ZGRF1: variants seen among roughly 807,000 people sequenced by gnomAD.
ZGRF1 encodes the protein zinc finger GRF-type containing 1.
Under a neutral mutation model 203.5 loss-of-function variants are expected in ZGRF1, and 196 were observed. The ratio of observed to expected loss-of-function variants is 0.96; its 90% CI spans 0.86 to 1.08. The LOEUF is 1.08. Ranked by LOEUF, ZGRF1 falls within the 50% of genes least tolerant of loss-of-function variation. The pLI, the probability that ZGRF1 is intolerant of heterozygous loss-of-function variation, is 0.00. For synonymous variants in ZGRF1, 809 were observed against 841.3 expected (o/e 0.96, Z 0.66); for missense variants, 2,326 against 2,416.3 (o/e 0.96, Z 0.78).
intron 16 of ZGRF1, among the ~76,000 whole-genome samples, chr4:112,576,390 C>T (rs13126520): frequency 0.068 from 10,380 of 152,012 alleles, 433 homozygotes; most frequent in Middle Eastern, 0.11. Flanking sequence ...TCCAAAGGAA[C>T]GCAGCTCCTC....
intron 16 of ZGRF1, among the ~76,000 whole-genome samples, chr4:112,576,102 G>T (rs372814007): frequency 6.6e-6 from 1 of 152,234 alleles, no homozygotes; most frequent in Non-Finnish European, 1.5e-5. Flanking sequence ...CAATCAGGCA[G>T]CAACATTTGC....
At chr4:112,541,052 C>G (rs1737472427) in intron 25 of ZGRF1, 40 bp downstream of exon 25, 2 of 1,549,290 alleles carry the variant, frequency 1.3e-6, no homozygotes, top group Non-Finnish European at 1.7e-6. Flanking sequence ...AACCAGGAAC[C>G]TAAACCATGT....
intron 22 of ZGRF1, among the ~76,000 whole-genome samples, chr4:112,552,646 A>C (rs551092059): frequency 3.3e-5 from 5 of 152,346 alleles, no homozygotes; most frequent in Admixed American, 3.3e-4. Flanking sequence ...ACAGAAAGTT[A>C]GTCTGAAGTT....
intron 3 of ZGRF1, among the ~76,000 whole-genome samples, chr4:112,625,272 G>C (rs1367108584): frequency 3.3e-5 from 5 of 152,082 alleles, no homozygotes; most frequent in South Asian, 2.1e-4. Flanking sequence ...CTGGGTGACA[G>C]AGCAAGACCC....
chr4:112,635,411 G>T (rs2047564876), intron 1 of ZGRF1, among the ~76,000 whole-genome samples: 1 of 151,840 alleles, frequency 6.6e-6, no homozygotes, highest in South Asian at 2.1e-4. Flanking sequence ...TTTTGTTTCT[G>T]TTGGCTTTTT....
At chr4:112,611,028 A>G in intron 7 of ZGRF1, 1 of 212,806 alleles carries the variant, frequency 4.7e-6, no homozygotes, top group Non-Finnish European at 9.7e-6. Flanking sequence ...TTCTGTATTT[A>G]GAAAAAAGAA....
Position 112,587,809 on chromosome 4 carries a change from T to A in ZGRF1, c.3248A>T (p.His1083Leu). 6.4e-7 allele frequency: 1 copy of A among 1,551,616 alleles called. No individual in the cohort carries two copies. The highest frequency in any genetic ancestry group is 1.2e-5 in the South Asian group (1 of 84,164). ...TGTGTTAGAGTTGATCATATACGAATGAGAGTCTAAGTCAGGTGGCCCATC... is the reference window on the plus strand; with the variant it reads ...TGTGTTAGAGTTGATCATATACGAAAGAGAGTCTAAGTCAGGTGGCCCATC... ...RTDGPPDLDS[H>L]SYMINSNTYE... The change falls in exon 12 of 28, where the codon CAT becomes CTT. Residue 1083 changes from histidine to leucine, a missense_variant. Physicochemically the swap from His to Leu is moderately conservative, Grantham distance 99. Coordinates refer to ENST00000505019, the MANE Select transcript of ZGRF1 (RefSeq NM_018392.5).
chr4:112,615,632 A>AC (rs2046841034), intron 6 of ZGRF1, among the ~76,000 whole-genome samples: 1 of 141,768 alleles, frequency 7.1e-6, no homozygotes, highest in Non-Finnish European at 1.6e-5. Flanking sequence ...AAAGCTTTTT[A>AC]CTTTTTTTTT....
chr4:112,582,460 CTTTTTT>C (rs900594460), intron 15 of ZGRF1, among the ~76,000 whole-genome samples: 2 of 150,472 alleles, frequency 1.3e-5, no homozygotes, highest in African/African-American at 4.9e-5. Context: ...TGGCTTTTTC[CTTTTTT>C]TTTGAGACAG....
Position 112,612,507 on chromosome 4 carries a change from AG to A in ZGRF1, c.2667+16del. On this transcript the variant is annotated intron_variant, in intron 7 of 27. Transcript: ENST00000505019. Reference sequence around the variant, plus strand: ...ATCAAAATAAAAAAAACATACTCTTAGAAAAAAAACCTGTACCTGTTGAGAA... The same window carrying A: ...ATCAAAATAAAAAAAACATACTCTTAAAAAAAAACCTGTACCTGTTGAGAA... The A allele has an allele frequency of 6.5e-7, 1 of 1,532,144 alleles. No individual in the cohort carries two copies. Among genetic ancestry groups the A allele is most frequent in the Non-Finnish European group, 8.9e-7 (1 of 1,117,770 alleles). The allele number at this position is 1,532,144 out of a possible 1,614,324, so 94.9% of individuals were successfully genotyped here. A position where few individuals can be genotyped will look rare whatever the true frequency, so the allele number is the denominator to read the frequency against.
chr4:112,540,074 A>C lies in ZGRF1; in HGVS notation c.5961T>G (p.Thr1987=), dbSNP rs1737252790. ...AAGCATCTACTGTGGACACCTGCAC[A>C]GTTTTAATATCAGGATGGTGAAAGT... ...AVDFHHPDIK[T]VQVSTVDAFQ... The change falls in exon 27 of 28, where the codon ACT becomes ACG. Residue 1987 remains threonine, a synonymous_variant. Transcript: ENST00000505019. The C allele has an allele frequency of 6.2e-7, 1 of 1,600,080 alleles. No individual in the cohort carries two copies. The highest frequency in any genetic ancestry group is 1.3e-5 in the African/African-American group (1 of 74,916).
chr4:112,633,240 C>A lies in ZGRF1; in HGVS notation c.-64G>T, dbSNP rs922653168. 1.6e-6 allele frequency: 2 copies of A among 1,253,052 alleles called. No individual in the cohort carries two copies. The highest frequency in any genetic ancestry group is 4.4e-5 in the Admixed American group (2 of 45,086). The allele number at this position is 1,253,052 out of a possible 1,614,324, so 77.6% of individuals were successfully genotyped here. A position where few individuals can be genotyped will look rare whatever the true frequency, so the allele number is the denominator to read the frequency against. On this transcript the variant is annotated splice_region_variant and 5_prime_UTR_variant, in exon 2 of 28. Coordinates refer to ENST00000505019, the MANE Select transcript of ZGRF1 (RefSeq NM_018392.5). ...ATAGGAAATATTCAACTATTTATAC[C>A]ACCTAAAATTAAAAATGACATAAAA...
At chr4:112,636,374 T>C (rs2047637312) in intron 1 of ZGRF1, among the ~76,000 whole-genome samples, 1 of 152,224 alleles carries the variant, frequency 6.6e-6, no homozygotes, top group Non-Finnish European at 1.5e-5. Context: ...CCATTATTCA[T>C]TTAAATACTA....
chr4:112,602,546 A>G (rs748125932), intron 10 of ZGRF1, among the ~76,000 whole-genome samples: 5 of 152,238 alleles, frequency 3.3e-5, no homozygotes, highest in East Asian at 1.9e-4. Flanking sequence ...TATAACCAAC[A>G]TAAGTATGTC....
chr4:112,576,491 G>T (rs1198710003), intron 16 of ZGRF1, among the ~76,000 whole-genome samples: 1 of 151,976 alleles, frequency 6.6e-6, no homozygotes, highest in African/African-American at 2.4e-5. Context: ...AGCTAAAGGA[G>T]GAAGTTTGAA....
chr4:112,630,764 C>A lies in ZGRF1; in HGVS notation c.102+1166G>T, dbSNP rs555772893. On this transcript the variant is annotated intron_variant, in intron 3 of 27. Transcript: ENST00000505019. Reference sequence around the variant, plus strand: ...AAATTAGCCGGGCGTGGTGGTGGCACCTGTAGTCCCAGCTACTTGGGGGGC... The same window carrying A: ...AAATTAGCCGGGCGTGGTGGTGGCAACTGTAGTCCCAGCTACTTGGGGGGC... Among the ~76,000 whole-genome samples the A allele has an allele frequency of 2.0e-5, 3 of 151,916 alleles. No homozygotes were observed. In the South Asian group the frequency reaches 6.2e-4, roughly 32 times the overall value.
chr4:112,592,096 C>G (rs200859872), intron 10 of ZGRF1, among the ~76,000 whole-genome samples: 1 of 128,570 alleles, frequency 7.8e-6, no homozygotes, highest in Non-Finnish European at 1.7e-5. Context: ...CTCATTCATT[C>G]TTTTTTTTTT....
At position 112,587,453 on chromosome 4, in the gene ZGRF1, A is replaced by G. The variant is rs1360119535; in HGVS notation, c.3604T>C (p.Leu1202=). The change falls in exon 12 of 28, where the codon TTG becomes CTG. Residue 1202 remains leucine, a synonymous_variant. Coordinates refer to ENST00000505019, the MANE Select transcript of ZGRF1 (RefSeq NM_018392.5). The part of the protein sequence containing the change: ...VNESSLDSVH[L]QMIKGMLYQQ... ...TAGAGCATGCCTTTTATCATTTGCA[A>G]ATGCACAGAGTCTAAAGAGCTTTCA... 1 of 1,613,938 alleles carries G rather than the reference A, an allele frequency of 6.2e-7. No homozygotes were observed. Among genetic ancestry groups the G allele is most frequent in the African/African-American group, 1.3e-5 (1 of 75,036 alleles).
At chr4:112,568,988 C>T (rs1743724431) in intron 16 of ZGRF1, among the ~76,000 whole-genome samples, 1 of 152,066 alleles carries the variant, frequency 6.6e-6, no homozygotes, top group African/African-American at 2.4e-5. Context: ...TGCACTCCAG[C>T]CTGGCGACAG....
Sources: gnomAD v4.1 joint callset for allele counts (sites outside exome capture counted in the v4.1 genomes callset) on GRCh38, gnomAD v4.1.1 for gene constraint, MANE v1.5 for transcripts, NCBI Gene and HGNC (gene_info 2026-07-23, HGNC 2026-07-21) for gene names.